ARL10: variants seen among roughly 807,000 people sequenced by gnomAD.
ARL10 encodes the protein ARF like GTPase 10.
Under a neutral mutation model 26.1 loss-of-function variants are expected in ARL10, and 23 were observed. That is an observed-to-expected ratio of 0.88 (90% CI 0.63 to 1.25). The LOEUF (loss-of-function observed/expected upper bound fraction) is 1.25. Ranked by LOEUF, ARL10 falls within the 50% of genes most tolerant of loss-of-function variation. ARL10 has a pLI of 0.00. For synonymous variants in ARL10, 138 were observed against 149.1 expected, an observed-to-expected ratio of 0.93 and a Z score of 0.54; for missense variants, 300 against 323.6, an observed-to-expected ratio of 0.93 and a Z score of 0.56.
At chr5:176,385,781 T>C (rs1237389308), downstream of ARL10, among the ~76,000 whole-genome samples, 1 of 152,110 alleles carries the variant, frequency 6.6e-6, no homozygotes, top group African/African-American at 2.4e-5. Context: ...AGCTGCCGGG[T>C]CTGGGGCCTG....
At chr5:176,386,920 C>A (rs1448438186) in intron 1 of ARL10, 11 of 1,613,420 alleles carry the variant, frequency 6.8e-6, no homozygotes, top group African/African-American at 1.3e-5. Flanking sequence ...CTGCAGAGAA[C>A]AGAGCCCTTG....
the ARL10 span, among the ~76,000 whole-genome samples, chr5:176,412,076 T>A: frequency 6.8e-6 from 1 of 147,882 alleles, no homozygotes; most frequent in Non-Finnish European, 1.5e-5. Flanking sequence ...CTCGGGAGGC[T>A]GAGGCAGGAG....
At position 176,380,762 on chromosome 5, in the gene ARL10, AC is replaced by A. The variant is rs1755535444; in HGVS notation, c.*8870del. ...TGGGATTACAGGTGTGAGCCATCAC[AC>A]CCGGACTTGTTTTGTTTTTTGAGAT... On this transcript the variant is annotated 3_prime_UTR_variant, in exon 4 of 4. Coordinates refer to ENST00000310389, the MANE Select transcript of ARL10 (RefSeq NM_173664.6). 6.6e-6 allele frequency: 1 copy of A among 151,152 alleles called. No homozygotes were observed. Among genetic ancestry groups the A allele is most frequent in the Non-Finnish European group, 1.5e-5 (1 of 67,858 alleles). 9.4% of individuals were successfully genotyped at this position (151,152 alleles called of 1,614,324 possible).
the ARL10 span, among the ~76,000 whole-genome samples, chr5:176,411,978 C>T: frequency 6.6e-6 from 1 of 152,118 alleles, no homozygotes; most frequent in South Asian, 2.1e-4. Flanking sequence ...AGATCGAGAC[C>T]ATCCTGGCTA....
chr5:176,405,508 A>G (rs1561797198), downstream of ARL10: 1 of 149,432 alleles, frequency 6.7e-6, no homozygotes, highest in Non-Finnish European at 1.5e-5. Context: ...AAAAAAAAAA[A>G]GAAAAAGAAA....
At chr5:176,396,603 G>A (rs1756535549) in intron 1 of ARL10, 1 of 1,089,022 alleles carries the variant, frequency 9.2e-7, no homozygotes, top group Non-Finnish European at 1.4e-6. Context: ...GCAGGCAGAA[G>A]GTTAGAGAGA....
chr5:176,409,315 A>C, the ARL10 span, among the ~76,000 whole-genome samples: 1 of 143,180 alleles, frequency 7.0e-6, no homozygotes, highest in Non-Finnish European at 1.5e-5. Context: ...AAAAAAAAGG[A>C]CCATACTGTG....
At chr5:176,410,373 T>C in the ARL10 span, 2 of 1,386,360 alleles carry the variant, frequency 1.4e-6, no homozygotes, top group Non-Finnish European at 2.0e-6. Flanking sequence ...GGTCCTACAT[T>C]AGCCCCTCAA....
Position 176,372,032 on chromosome 5 carries a change from G to A in ARL10, c.*137G>A. On this transcript the variant is annotated 3_prime_UTR_variant, in exon 4 of 4. Transcript: ENST00000310389. ...CCCTCCTTTGCCTTTCAAGAGCAGG[G>A]CCTGGGCAAGGCCAAGAACCATGCA... 6 of 1,455,106 alleles carry A rather than the reference G, an allele frequency of 4.1e-6. No individual in the cohort carries two copies. The highest frequency in any genetic ancestry group is 5.4e-6 in the Non-Finnish European group (6 of 1,105,710). The allele number at this position is 1,455,106 out of a possible 1,614,324, so 90.1% of individuals were successfully genotyped here.
At position 176,366,408 on chromosome 5, in the gene ARL10, C is replaced by T. The variant is rs1399092274; in HGVS notation, c.212C>T (p.Ala71Val). The T allele has an allele frequency of 1.2e-5, 20 of 1,611,110 alleles. No individual in the cohort carries two copies. The highest frequency in any genetic ancestry group is 1.7e-5 in the Non-Finnish European group (20 of 1,179,590). The stretch of plus-strand genomic sequence containing the variant: ...GAGGACGAGGAGGACGAGGAGCCGG[C>T]GCTGGAGGAGCTGGAACAGCGCGAG... ...DPEDEEDEEP[A>V]LEELEQREVL... Residue 71 changes from alanine (A) to valine (V), a missense_variant, in exon 2 of 4, where the codon GCG (alanine) becomes GTG (valine). Coordinates refer to ENST00000310389, the MANE Select transcript of ARL10 (RefSeq NM_173664.6).
At chr5:176,406,844 G>C, downstream of ARL10, 1 of 585,262 alleles carries the variant, frequency 1.7e-6, no homozygotes, top group Non-Finnish European at 2.4e-6. Context: ...TAAAGAGCTG[G>C]GGCTTTCCAC....
At chr5:176,390,373 AT>A (rs1360878855), downstream of ARL10, among the ~76,000 whole-genome samples, 13 of 152,098 alleles carry the variant, frequency 8.5e-5, no homozygotes, top group African/African-American at 3.1e-4. Flanking sequence ...TCCACTCCGC[AT>A]AACCTCCTCA....
downstream of ARL10, among the ~76,000 whole-genome samples, chr5:176,385,518 T>A (rs1755772842): frequency 6.6e-6 from 1 of 152,144 alleles, no homozygotes; most frequent in South Asian, 2.1e-4. Flanking sequence ...CCAGACTCTG[T>A]CTCCTATGAC....
At chr5:176,389,572 G>A, downstream of ARL10, 1 of 1,465,900 alleles carries the variant, frequency 6.8e-7, no homozygotes, top group East Asian at 2.3e-5. Context: ...CCTACCGTGG[G>A]ACTTACTCCC....
chr5:176,389,461 G>T (rs1329311865), downstream of ARL10: 1 of 1,613,982 alleles, frequency 6.2e-7, no homozygotes, highest in Admixed American at 1.7e-5. Context: ...CCATCTTGCT[G>T]GGTCTGGCTG....
downstream of ARL10, chr5:176,384,108 C>T: frequency 6.2e-7 from 1 of 1,607,964 alleles, no homozygotes. Flanking sequence ...GTGTAACCTT[C>T]TGATTCCATG....
intron 1 of ARL10, among the ~76,000 whole-genome samples, chr5:176,401,078 ACT>A (rs1343102970): frequency 6.6e-6 from 1 of 151,858 alleles, no homozygotes; most frequent in Non-Finnish European, 1.5e-5. Flanking sequence ...CAATTCAGAG[ACT>A]CTCTCCCAAC....
In ARL10 at chr5:176,368,662, TGGGGTGGGGGCTGTGGGC is replaced by T. The variant is rs1304680816; in HGVS notation, c.386-144_386-127del. On this transcript the variant is annotated intron_variant, in intron 2 of 3. Transcript: ENST00000310389. The surrounding 1 kb of genome is among the most constrained non-coding windows in gnomAD (Gnocchi z 4.1). The stretch of plus-strand genomic sequence containing the variant: ...GAAGCTCACTAAGCTAGAAGCAGGG[TGGGGTGGGGGCTGTGGGC>T]AGTGAGCGGGGGCCCGGGGTGGGGT... 7.2e-4 allele frequency: 688 copies of T among 953,034 alleles called. 13 individuals carry two copies. The highest frequency in any genetic ancestry group is 2.6e-3 in the African/African-American group (134 of 51,812). The allele number at this position is 953,034 out of a possible 1,614,324, so 59.0% of individuals were successfully genotyped here.
chr5:176,388,791 C>G (rs71599493), downstream of ARL10: 28,423 of 1,604,358 alleles, frequency 0.018, 351 homozygotes, highest in Middle Eastern at 0.034. Flanking sequence ...GTCGGAGTCC[C>G]GATTTTCTCC....
Sources: allele counts gnomAD v4.1 joint callset (sites outside exome capture counted in the v4.1 genomes callset), GRCh38; gene constraint gnomAD v4.1.1; non-coding constraint Gnocchi (gnomAD v3.1); transcripts MANE v1.5; gene names NCBI Gene and HGNC (gene_info 2026-07-23, HGNC 2026-07-21).